The following PARD3 variants were observed in gnomAD, a reference collection of about 807,000 sequenced individuals.
The protein encoded by PARD3 is par-3 family cell polarity regulator.
PARD3 carries 75 observed loss-of-function variants against 155.4 expected under a neutral mutation model. That is an observed-to-expected ratio of 0.48 (90% CI 0.40 to 0.58). The LOEUF is 0.58. PARD3 is among the 20% of genes least tolerant of loss of function. The probability of loss-of-function intolerance (pLI) is 0.00; values close to 1 mark genes in which losing one functional copy is unlikely to be tolerated. For missense variants in PARD3, 1,642 were observed against 1,721.7 expected (o/e 0.95, Z 0.82); for synonymous variants, 576 against 610.5 (o/e 0.94, Z 0.83).
At chr10:34,245,042 A>G (rs913264431) in intron 22 of PARD3, among the ~76,000 whole-genome samples, 1 of 151,272 alleles carries the variant, frequency 6.6e-6, no homozygotes, top group Non-Finnish European at 1.5e-5. Flanking sequence ...ACCAAAGAAG[A>G]TGTCGGGAGA....
chr10:34,727,585 GACA>G (rs2094737742), intron 1 of PARD3, among the ~76,000 whole-genome samples: 1 of 150,442 alleles, frequency 6.6e-6, no homozygotes, highest in Non-Finnish European at 1.5e-5. Flanking sequence ...TTTTTTGAAC[GACA>G]ACAACAAAAA....
chr10:34,530,382 T>C (rs151200171), intron 2 of PARD3, among the ~76,000 whole-genome samples: 1 of 152,320 alleles, frequency 6.6e-6, no homozygotes, highest in East Asian at 1.9e-4. Flanking sequence ...AACCCTTCTG[T>C]CAGATGGTGT....
chr10:34,733,633 G>A (rs2094857751), intron 1 of PARD3, among the ~76,000 whole-genome samples: 2 of 152,156 alleles, frequency 1.3e-5, no homozygotes, highest in South Asian at 4.1e-4. Flanking sequence ...ACAGGCGTGT[G>A]CCACCAAACC....
chr10:34,648,053 T>C (rs2133022255), intron 2 of PARD3, among the ~76,000 whole-genome samples: 1 of 152,350 alleles, frequency 6.6e-6, no homozygotes, highest in Non-Finnish European at 1.5e-5. Flanking sequence ...CTCAGGAATC[T>C]GTTTATAAAT....
At chr10:34,323,913 T>G (rs1002662267) in intron 19 of PARD3, among the ~76,000 whole-genome samples, 11 of 152,184 alleles carry the variant, frequency 7.2e-5, no homozygotes, top group Admixed American at 5.2e-4. Flanking sequence ...TGGGGACAAT[T>G]TAAAATGAAG....
At position 34,475,157 on chromosome 10, in the gene PARD3, G is replaced by A. The variant is rs561764123; in HGVS notation, c.404-4894C>T. 3.9e-5 allele frequency among the ~76,000 whole-genome samples: 6 copies of A among 152,238 alleles called. No individual in the cohort carries two copies. In the South Asian group the frequency reaches 1.2e-3, roughly 32 times the overall value. On this transcript the variant is annotated intron_variant, in intron 3 of 24. Transcript: ENST00000374788. ...GCTAGTGATATTTACCATTTTAGGAGTGAAAATGAGAACAACTTTAAAATA... is the reference window on the plus strand; with the variant it reads ...GCTAGTGATATTTACCATTTTAGGAATGAAAATGAGAACAACTTTAAAATA...
At chr10:34,607,421 C>G (rs2090553757) in intron 2 of PARD3, among the ~76,000 whole-genome samples, 1 of 152,154 alleles carries the variant, frequency 6.6e-6, no homozygotes, top group Non-Finnish European at 1.5e-5. Flanking sequence ...TAATGCATAA[C>G]AGCTAGAAGA....
intron 2 of PARD3, among the ~76,000 whole-genome samples, chr10:34,607,215 T>C (rs1202781180): frequency 1.3e-5 from 2 of 152,054 alleles, no homozygotes; most frequent in Non-Finnish European, 2.9e-5. Flanking sequence ...TCAAGACCCA[T>C]TAAAAGTGTA....
chr10:34,212,348 C>T (rs1416874840), intron 22 of PARD3, among the ~76,000 whole-genome samples: 1 of 152,118 alleles, frequency 6.6e-6, no homozygotes, highest in African/African-American at 2.4e-5. Context: ...TTGTCAACAC[C>T]TCTCTAAGCA....
At chr10:34,259,318 CA>C (rs9336873) in intron 22 of PARD3, among the ~76,000 whole-genome samples, 98,290 of 151,854 alleles carry the variant, frequency 0.65, 32,464 homozygotes, top group African/African-American at 0.77. Flanking sequence ...AAATGGGTTT[CA>C]ACTGGGTGAA....
At chr10:34,798,226 G>A (rs1842493017) in intron 1 of PARD3, among the ~76,000 whole-genome samples, 1 of 152,098 alleles carries the variant, frequency 6.6e-6, no homozygotes, top group Non-Finnish European at 1.5e-5. Flanking sequence ...CTACTCAGGA[G>A]GCTGAGGCAG....
At chr10:34,148,045 C>T (rs940642682) in intron 22 of PARD3, among the ~76,000 whole-genome samples, 5 of 151,724 alleles carry the variant, frequency 3.3e-5, no homozygotes, top group South Asian at 2.1e-4. Context: ...TGTAGGGAAA[C>T]TAAGCCAAGA....
intron 2 of PARD3, among the ~76,000 whole-genome samples, chr10:34,686,403 G>A (rs1206261519): frequency 6.7e-6 from 1 of 149,800 alleles, no homozygotes; most frequent in African/African-American, 2.5e-5. Flanking sequence ...CACTTCCTTA[G>A]GAAACTTCAG....
chr10:34,609,510 T>C (rs909064039), intron 2 of PARD3, among the ~76,000 whole-genome samples: 8 of 152,180 alleles, frequency 5.3e-5, no homozygotes, highest in African/African-American at 1.7e-4. Flanking sequence ...TTAAGGAGCG[T>C]AAGAAGAGAT....
chr10:34,760,950 T>C (rs1304328355), intron 1 of PARD3, among the ~76,000 whole-genome samples: 1 of 152,204 alleles, frequency 6.6e-6, no homozygotes, highest in Non-Finnish European at 1.5e-5. Context: ...AGTTTTGGGA[T>C]AATGTGTTAT....
chr10:34,376,570 A>G (rs1040950576), intron 10 of PARD3, among the ~76,000 whole-genome samples: 1 of 152,206 alleles, frequency 6.6e-6, no homozygotes, highest in Admixed American at 6.5e-5. Context: ...GCAGGACCCT[A>G]ACATAATTTG....
At chr10:34,202,407 C>A (rs147539486) in intron 22 of PARD3, among the ~76,000 whole-genome samples, 1 of 152,142 alleles carries the variant, frequency 6.6e-6, no homozygotes, top group South Asian at 2.1e-4. Flanking sequence ...ATATTCATTA[C>A]GTATACTTTC....
intron 3 of PARD3, among the ~76,000 whole-genome samples, chr10:34,515,332 C>T (rs1204020517): frequency 6.6e-6 from 1 of 152,214 alleles, no homozygotes; most frequent in Non-Finnish European, 1.5e-5. Flanking sequence ...TGCATATGTG[C>T]ATAAATAAAG....
intron 21 of PARD3, among the ~76,000 whole-genome samples, chr10:34,282,787 C>T (rs186284307): frequency 1.5e-3 from 232 of 152,164 alleles, no homozygotes; most frequent in Non-Finnish European, 2.5e-3. Flanking sequence ...GAAGTTTATA[C>T]TTCTGAGTCA....
Sources: allele counts gnomAD v4.1 joint callset (sites outside exome capture counted in the v4.1 genomes callset), GRCh38; gene constraint gnomAD v4.1.1; transcripts MANE v1.5; gene names NCBI Gene and HGNC (gene_info 2026-07-23, HGNC 2026-07-21).